The following OR10G4 variants were observed in gnomAD, a reference collection of about 807,000 sequenced individuals.
OR10G4 encodes the protein olfactory receptor family 10 subfamily G member 4, also known as olfactory receptor 10G4.
For missense variants in OR10G4, 318 were observed against 388.8 expected, an observed-to-expected ratio of 0.82 and a Z score of 1.53; for synonymous variants, 130 against 159.3, an observed-to-expected ratio of 0.82 and a Z score of 1.39.
intron 1 of OR10G4, among the ~76,000 whole-genome samples, chr11:124,014,381 C>G (rs1419596976): frequency 6.6e-6 from 1 of 152,194 alleles, no homozygotes; most frequent in Non-Finnish European, 1.5e-5. Context: ...CTGCGAGGCA[C>G]AATGTCATAA....
chr11:124,015,078 G>A (rs1441880738), intron 1 of OR10G4: 1 of 164,606 alleles, frequency 6.1e-6, no homozygotes, highest in Non-Finnish European at 1.3e-5. Flanking sequence ...AAAAAACAGA[G>A]ACCTCTGCCC....
In OR10G4 at chr11:124,018,084, C is replaced by CAAAT. The variant is rs1864035849; in HGVS notation, c.*1576_*1577insATAA. On this transcript the variant is annotated 3_prime_UTR_variant, in exon 2 of 2. Coordinates refer to ENST00000641722, the MANE Select transcript of OR10G4 (RefSeq NM_001004462.2). ...TTTCATACTATACACATAAAAAACT[C>CAAAT]AATTATAGTAGATAAGAGATATAAA... 6.6e-6 allele frequency: 1 copy of CAAAT among 152,070 alleles called. No homozygotes were observed. Among genetic ancestry groups the CAAAT allele is most frequent in the African/African-American group, 2.4e-5 (1 of 41,406 alleles). 9.4% of individuals were successfully genotyped at this position (152,070 alleles called of 1,614,324 possible). A position where few individuals can be genotyped will look rare whatever the true frequency, so the allele number is the denominator to read the frequency against.
In OR10G4 at chr11:124,015,542, C is replaced by T; in HGVS notation, c.-27-6C>T. 3.7e-6 allele frequency: 6 copies of T among 1,600,410 alleles called. No homozygotes were observed. The highest frequency in any genetic ancestry group is 4.3e-6 in the Non-Finnish European group (5 of 1,171,298). ...GCTAAATGCTGGGTGCTCTTTATAT[C>T]CCCAGAGGGAGAGAGACCAAGGGTG... On this transcript the variant is annotated splice_region_variant and splice_polypyrimidine_tract_variant and intron_variant, in intron 1 of 1. Transcript: ENST00000641722.
In OR10G4 at chr11:124,017,743, G is replaced by T. The variant is rs1003442578; in HGVS notation, c.*1233G>T. Reference sequence around the variant, plus strand: ...TTGATTTTGCAGCTATGGACATGTGGATCTTAAAGTGCGGATTGAAATGGA... The same window carrying T: ...TTGATTTTGCAGCTATGGACATGTGTATCTTAAAGTGCGGATTGAAATGGA... On this transcript the variant is annotated 3_prime_UTR_variant, in exon 2 of 2. Transcript: ENST00000641722. The T allele has an allele frequency of 6.6e-6, 1 of 152,136 alleles. No individual in the cohort carries two copies. The highest frequency in any genetic ancestry group is 1.5e-5 in the Non-Finnish European group (1 of 68,034). 9.4% of individuals were successfully genotyped at this position (152,136 alleles called of 1,614,324 possible).
At position 124,015,557 on chromosome 11, in the gene OR10G4, G is replaced by C; in HGVS notation, c.-18G>C. ...CTCTTTATATCCCCAGAGGGAGAGA[G>C]ACCAAGGGTGAGAAGAAATGTCCAA... is the stretch of plus-strand genomic sequence containing the variant. On this transcript the variant is annotated 5_prime_UTR_variant, in exon 2 of 2. Coordinates refer to ENST00000641722, the MANE Select transcript of OR10G4 (RefSeq NM_001004462.2). The C allele has an allele frequency of 1.9e-6, 3 of 1,606,792 alleles. No homozygotes were observed. The highest frequency in any genetic ancestry group is 2.6e-6 in the Non-Finnish European group (3 of 1,175,328).
At position 124,017,985 on chromosome 11, in the gene OR10G4, C is replaced by T. The variant is rs1864034996; in HGVS notation, c.*1475C>T. ...AAGATGACACTGCAAAGCAATAAAGCATGATTGCTTTCTTGAATAAATTAT... is the reference window on the plus strand; with the variant it reads ...AAGATGACACTGCAAAGCAATAAAGTATGATTGCTTTCTTGAATAAATTAT... On this transcript the variant is annotated 3_prime_UTR_variant, in exon 2 of 2. Transcript: ENST00000641722. The T allele has an allele frequency of 6.6e-6, 1 of 152,092 alleles. No individual in the cohort carries two copies. The highest frequency in any genetic ancestry group is 6.6e-5 in the Admixed American group (1 of 15,252). The allele number at this position is 152,092 out of a possible 1,614,324, so 9.4% of individuals were successfully genotyped here. A position where few individuals can be genotyped will look rare whatever the true frequency, so the allele number is the denominator to read the frequency against.
At position 124,016,354 on chromosome 11, in the gene OR10G4, G is replaced by A. The variant is rs1719297500; in HGVS notation, c.780G>A (p.Arg260=). ...TTCCCTGTGTTGTCATTTATCTGAG[G>A]CCAGGCTCCATGGATGCCATGGATG... The part of the protein sequence containing the change: ...FFVPCVVIYL[R]PGSMDAMDGV... The change falls in exon 2 of 2, where the codon AGG becomes AGA. Residue 260 remains arginine, a synonymous_variant. Coordinates refer to ENST00000641722, the MANE Select transcript of OR10G4 (RefSeq NM_001004462.2). The A allele has an allele frequency of 1.2e-6, 2 of 1,614,128 alleles. No individual in the cohort carries two copies. Among genetic ancestry groups the A allele is most frequent in the East Asian group, 2.2e-5 (1 of 44,874 alleles).
intron 1 of OR10G4, 177 bp from the exon 2 acceptor site, chr11:124,015,371 A>G: frequency 1.6e-6 from 1 of 641,350 alleles, no homozygotes; most frequent in Non-Finnish European, 2.7e-6. Context: ...ACCTGTGTGC[A>G]TGTGTGTGAG....
Position 124,013,103 on chromosome 11 carries a change from A to C in OR10G4, c.-37A>C, listed in dbSNP as rs1467034731. 1 of 152,256 alleles carries C rather than the reference A, an allele frequency of 6.6e-6. No homozygotes were observed. Among genetic ancestry groups the C allele is most frequent in the Non-Finnish European group, 1.5e-5 (1 of 68,042 alleles). The allele number at this position is 152,256 out of a possible 1,614,324, so 9.4% of individuals were successfully genotyped here. ...GAGTTTTACTACTGAGAAGAATCAC[A>C]TACTGCAAGGTGAGTCCTTAGAAAT... On this transcript the variant is annotated 5_prime_UTR_variant, in exon 1 of 2. Transcript: ENST00000641722.
Position 124,014,013 on chromosome 11 carries a change from C to T in OR10G4, c.-28+901C>T, listed in dbSNP as rs151218009. Among the ~76,000 whole-genome samples, 35 of 152,184 alleles carry T rather than the reference C, an allele frequency of 2.3e-4. 1 individual carries two copies. In the East Asian group the frequency reaches 6.8e-3, roughly 29 times the overall value. ...GTGATGTACAACAGAAAGCTAGCCC[C>T]TATCTAGTAGATTGTAGTTGGGAGA... On this transcript the variant is annotated intron_variant, in intron 1 of 1. Transcript: ENST00000641722.
rs1864039098 is a variant in OR10G4, at chr11:124,018,376, C to G, written c.*1866C>G. 6.7e-6 allele frequency: 1 copy of G among 149,392 alleles called. No individual in the cohort carries two copies. Among genetic ancestry groups the G allele is most frequent in the Admixed American group, 6.7e-5 (1 of 14,960 alleles). 9.3% of individuals were successfully genotyped at this position (149,392 alleles called of 1,614,324 possible). On this transcript the variant is annotated 3_prime_UTR_variant, in exon 2 of 2. Transcript: ENST00000641722. ...AGCCCCCCACCCCCCAAAAGGCCCC[C>G]TTGTGTGATGTTCCCCTCCCTGTGT...
chr11:124,015,302 T>C, intron 1 of OR10G4: 1 of 513,870 alleles, frequency 1.9e-6, no homozygotes, highest in Non-Finnish European at 3.4e-6. Context: ...AATATATCAA[T>C]GGAAATCTAA....
Position 124,016,587 on chromosome 11 carries a change from T to C in OR10G4, c.*77T>C. The C allele has an allele frequency of 1.0e-6, 1 of 976,882 alleles. No homozygotes were observed. The highest frequency in any genetic ancestry group is 1.5e-6 in the Non-Finnish European group (1 of 667,442). The allele number at this position is 976,882 out of a possible 1,614,324, so 60.5% of individuals were successfully genotyped here. On this transcript the variant is annotated 3_prime_UTR_variant, in exon 2 of 2. Coordinates refer to ENST00000641722, the MANE Select transcript of OR10G4 (RefSeq NM_001004462.2). ...TTATTCATGTGAAATTGATTATATG[T>C]ATAGTTCTCAGTGTTAAACTTTATT...
rs1864021416 is a variant in OR10G4 at position 124,016,437 on chromosome 11, C to A, written c.863C>A (p.Thr288Asn). ...CCCCTTCTCAACCCTGTTGTGTACA[C>A]CCTGAGAAACAAGGAGGTGAAGAAA... ...LTPLLNPVVY[T>N]LRNKEVKKAV... Residue 288 changes from threonine to asparagine, a missense_variant, in exon 2 of 2, where the codon ACC becomes AAC. Physicochemically the swap from Thr to Asn is moderately conservative, Grantham distance 65 (BLOSUM62 0). Transcript: ENST00000641722. 1 of 1,613,534 alleles carries A rather than the reference C, an allele frequency of 6.2e-7. No homozygotes were observed. The highest frequency in any genetic ancestry group is 1.7e-5 in the Admixed American group (1 of 59,916).
intron 1 of OR10G4, chr11:124,015,142 C>T (rs1397265172): frequency 4.9e-6 from 1 of 202,114 alleles, no homozygotes; most frequent in African/African-American, 2.3e-5. Context: ...TGGAAGAGGA[C>T]TGTGGTCCTC....
Position 124,018,399 on chromosome 11 carries a change from T to TG in OR10G4, c.*1890dup, listed in dbSNP as rs1565591809. 1 of 130,494 alleles carries TG rather than the reference T, an allele frequency of 7.7e-6. No individual in the cohort carries two copies. Among genetic ancestry groups the TG allele is most frequent in the East Asian group, 2.6e-4 (1 of 3,878 alleles). The allele number at this position is 130,494 out of a possible 1,614,324, so 8.1% of individuals were successfully genotyped here. A position where few individuals can be genotyped will look rare whatever the true frequency, so the allele number is the denominator to read the frequency against. ...CCCTTGTGTGATGTTCCCCTCCCTGTGTCCATGTGTTCTCATTGTTCAACT... is the reference window on the plus strand; with the variant it reads ...CCCTTGTGTGATGTTCCCCTCCCTGTGGTCCATGTGTTCTCATTGTTCAACT... On this transcript the variant is annotated 3_prime_UTR_variant, in exon 2 of 2. Transcript: ENST00000641722.
chr11:124,015,448 A>G (rs66605425), intron 1 of OR10G4, 100 bp from the exon 2 acceptor site: 488,108 of 1,129,496 alleles, frequency 0.43, 106,691 homozygotes, highest in Middle Eastern at 0.55. Context: ...GTGCAGGATA[A>G]CTCCAGAATT....
chr11:124,016,103 T>C lies in OR10G4; in HGVS notation c.529T>C (p.Phe177Leu). The change falls in exon 2 of 2, where the codon TTC (phenylalanine) becomes CTC (leucine). Residue 177 changes from phenylalanine (F) to leucine (L), a missense_variant. Transcript: ENST00000641722. ...YCGPNQIQHY[F>L]CDAPPILKLA... Reference sequence around the variant, plus strand: ...TGGACCCAACCAGATCCAGCACTACTTCTGTGACGCACCGCCCATCCTGAA... The same window carrying C: ...TGGACCCAACCAGATCCAGCACTACCTCTGTGACGCACCGCCCATCCTGAA... The C allele has an allele frequency of 6.2e-7, 1 of 1,611,654 alleles. No homozygotes were observed.
At chr11:124,015,183 G>C (rs1268416913) in intron 1 of OR10G4, 1 of 255,520 alleles carries the variant, frequency 3.9e-6, no homozygotes. Flanking sequence ...GGGACACATT[G>C]ATTGAGACCT....
Sources: allele counts gnomAD v4.1 joint callset (sites outside exome capture counted in the v4.1 genomes callset), GRCh38; gene constraint gnomAD v4.1.1; transcripts MANE v1.5; gene names NCBI Gene and HGNC (gene_info 2026-07-23, HGNC 2026-07-21).